The following RNF121 variants were observed in gnomAD, a reference collection of about 807,000 sequenced individuals.
RNF121 encodes the protein ring finger protein 121.
A neutral mutation model predicts 46.5 loss-of-function variants in RNF121; 21 were observed. That is an observed-to-expected ratio of 0.45 (90% CI 0.32 to 0.65). RNF121 has a LOEUF of 0.65. Ranked by LOEUF, RNF121 falls within the 30% of genes least tolerant of loss-of-function variation. The pLI is 0.04. For synonymous variants in RNF121, 139 were observed against 144.7 expected (o/e 0.96, Z 0.28); for missense variants, 346 against 416.0 (o/e 0.83, Z 1.46).
Position 71,996,582 on chromosome 11 carries a change from C to A in RNF121, c.*267C>A, listed in dbSNP as rs1954983400. On this transcript the variant is annotated 3_prime_UTR_variant, in exon 9 of 9. Coordinates refer to ENST00000361756, the MANE Select transcript of RNF121 (RefSeq NM_018320.5). Reference sequence around the variant, plus strand: ...TTATTGTGGAGCATAGGAATTGCCCCCCTCCAGGCTTCACCCTCCCTGCCT... The same window carrying A: ...TTATTGTGGAGCATAGGAATTGCCCACCTCCAGGCTTCACCCTCCCTGCCT... The A allele has an allele frequency of 1.3e-5, 4 of 310,058 alleles. No individual in the cohort carries two copies. The highest frequency in any genetic ancestry group is 2.4e-5 in the Non-Finnish European group (4 of 164,810). 19.2% of individuals were successfully genotyped at this position (310,058 alleles called of 1,614,324 possible).
At chr11:71,988,361 G>C (rs1336454685) in intron 5 of RNF121, among the ~76,000 whole-genome samples, 1 of 152,218 alleles carries the variant, frequency 6.6e-6, no homozygotes, top group Non-Finnish European at 1.5e-5. Flanking sequence ...TGTGGATCAA[G>C]AGGAGCCCTA....
chr11:71,990,772 G>A (rs1954850526), intron 6 of RNF121, 55 bp downstream of exon 6: 4 of 1,600,160 alleles, frequency 2.5e-6, no homozygotes, highest in Non-Finnish European at 1.7e-6. Context: ...AATTGCTCAA[G>A]TTGATGTCAC....
In RNF121 at chr11:71,987,270, G is replaced by T. The variant is rs140450388; in HGVS notation, c.506+159G>T. ...GGATGGGAGAAGACAGGCTCTCCATGATTTGTTCTGGCAGAAAGCAAGGAA... is the reference window on the plus strand; with the variant it reads ...GGATGGGAGAAGACAGGCTCTCCATTATTTGTTCTGGCAGAAAGCAAGGAA... On this transcript the variant is annotated intron_variant, in intron 5 of 8. Coordinates refer to ENST00000361756, the MANE Select transcript of RNF121 (RefSeq NM_018320.5). 1.5e-4 allele frequency among the ~76,000 whole-genome samples: 23 copies of T among 152,294 alleles called. No homozygotes were observed. In the East Asian group the frequency reaches 4.4e-3, roughly 29 times the overall value.
intron 1 of RNF121, among the ~76,000 whole-genome samples, chr11:71,934,118 T>C (rs76609923): frequency 0.038 from 4,886 of 128,086 alleles, 69 homozygotes; most frequent in East Asian, 0.09. Context: ...GCTTGGCTTC[T>C]TGGACTATTC....
At chr11:71,950,371 G>C (rs1953843632) in intron 1 of RNF121, among the ~76,000 whole-genome samples, 1 of 152,076 alleles carries the variant, frequency 6.6e-6, no homozygotes, top group Non-Finnish European at 1.5e-5. Context: ...GATCACTTAT[G>C]TCAGGAGTTT....
chr11:71,934,388 A>G (rs1028451349), intron 1 of RNF121, among the ~76,000 whole-genome samples: 1 of 152,248 alleles, frequency 6.6e-6, no homozygotes, highest in Non-Finnish European at 1.5e-5. Context: ...CAGTGGGCAC[A>G]TCAAGGAGGA....
At chr11:71,978,823 C>G (rs1456341315) in intron 3 of RNF121, among the ~76,000 whole-genome samples, 1 of 152,204 alleles carries the variant, frequency 6.6e-6, no homozygotes, top group Non-Finnish European at 1.5e-5. Context: ...GTTTAGAGAA[C>G]TGAAGCTTTT....
intron 3 of RNF121, among the ~76,000 whole-genome samples, chr11:71,961,601 G>A (rs1451065933): frequency 6.6e-6 from 1 of 152,214 alleles, no homozygotes; most frequent in Middle Eastern, 3.4e-3. Context: ...GTTGAAATTA[G>A]GTGGGGAAAA....
intron 1 of RNF121, among the ~76,000 whole-genome samples, chr11:71,930,207 T>C (rs1953241601): frequency 6.6e-6 from 1 of 152,142 alleles, no homozygotes. Flanking sequence ...TGCCAGCATA[T>C]GGGCAAAGAC....
Position 71,974,640 on chromosome 11 carries a change from G to A in RNF121, c.244-8121G>A, listed in dbSNP as rs192697878. Among the ~76,000 whole-genome samples, 419 of 134,448 alleles carry A rather than the reference G, an allele frequency of 3.1e-3. 2 individuals are homozygous for A. Among genetic ancestry groups the A allele is most frequent in the South Asian group, 0.016 (62 of 3,784 alleles). The allele number at this position is 134,448 out of a possible 152,430, so 88.2% of individuals were successfully genotyped here. ...TTCTTTCTGTAGGTTCCTCTCAAAG[G>A]CTTCAGGAAATTTTTGTCAATTTCT... On this transcript the variant is annotated intron_variant, in intron 3 of 8. Transcript: ENST00000361756.
chr11:71,994,990 C>T (rs979992766), intron 7 of RNF121, 138 bp downstream of exon 7: 4 of 1,173,806 alleles, frequency 3.4e-6, no homozygotes, highest in Non-Finnish European at 4.9e-6. Context: ...GGGCCACCTT[C>T]CCTACCCTTT....
In RNF121 at chr11:71,982,873, C is replaced by G; in HGVS notation, c.356C>G (p.Thr119Ser). ...TTCTCTGCTGTCACAGCCTTTGTTA[C>G]CTTCCGAGCCACCCGAAAACCTCTA... is the stretch of plus-strand genomic sequence containing the variant. ...ILFSAVTAFVTFRATRKPLVQ... is the reference protein window; with the variant it reads ...ILFSAVTAFVSFRATRKPLVQ... Residue 119 changes from threonine to serine, a missense_variant, in exon 4 of 9, where the codon ACC (threonine) becomes AGC (serine). Thr to Ser is a moderately conservative substitution (Grantham distance 58). This residue lies in a region of RNF121 where 286 missense variants were observed against 383.8 expected (regional missense o/e 0.75). Transcript: ENST00000361756. The G allele has an allele frequency of 6.2e-7, 1 of 1,613,628 alleles. No homozygotes were observed. The highest frequency in any genetic ancestry group is 1.1e-5 in the South Asian group (1 of 90,974).
intron 1 of RNF121, among the ~76,000 whole-genome samples, chr11:71,956,438 C>T (rs968883077): frequency 2.6e-5 from 4 of 152,162 alleles, no homozygotes; most frequent in African/African-American, 9.7e-5. Flanking sequence ...TACAGGACAC[C>T]TTCCTCAACA....
rs1172078727 is a variant in RNF121 at position 71,997,278 on chromosome 11, A to G, written c.*963A>G. On this transcript the variant is annotated 3_prime_UTR_variant, in exon 9 of 9. Transcript: ENST00000361756. ...TGTCAGCTTCTCCCTGTGTCAGATGATATGTCCTTGAAGCTGGCAGGGGAT... is the reference window on the plus strand; with the variant it reads ...TGTCAGCTTCTCCCTGTGTCAGATGGTATGTCCTTGAAGCTGGCAGGGGAT... 6.6e-6 allele frequency: 1 copy of G among 152,122 alleles called. No homozygotes were observed. Among genetic ancestry groups the G allele is most frequent in the Admixed American group, 6.5e-5 (1 of 15,276 alleles). 9.4% of individuals were successfully genotyped at this position (152,122 alleles called of 1,614,324 possible). A position where few individuals can be genotyped will look rare whatever the true frequency, so the allele number is the denominator to read the frequency against.
chr11:71,974,034 C>T (rs990188734), intron 3 of RNF121, among the ~76,000 whole-genome samples: 1 of 152,038 alleles, frequency 6.6e-6, no homozygotes, highest in Non-Finnish European at 1.5e-5. Flanking sequence ...CTCCGCCTCC[C>T]GGGTTCACGC....
intron 3 of RNF121, among the ~76,000 whole-genome samples, chr11:71,967,339 G>GT (rs1251537488): frequency 0.01 from 701 of 67,794 alleles, 10 homozygotes; most frequent in Middle Eastern, 0.02. Flanking sequence ...TAATTATGTG[G>GT]GTTTTTTTTG....
chr11:71,960,956 A>G, intron 3 of RNF121, 65 bp downstream of exon 3: 1 of 1,573,146 alleles, frequency 6.4e-7, no homozygotes, highest in Non-Finnish European at 8.6e-7. Context: ...TAAGTATTCT[A>G]GGTCCCAGCC....
At chr11:71,982,698 G>C in intron 3 of RNF121, 63 bp from the exon 4 acceptor site, 1 of 1,496,148 alleles carries the variant, frequency 6.7e-7, no homozygotes, top group Non-Finnish European at 8.9e-7. Flanking sequence ...GCTGCATTTG[G>C]GACTGTGGAC....
At chr11:71,985,205 G>T (rs967411331) in intron 4 of RNF121, among the ~76,000 whole-genome samples, 4 of 152,106 alleles carry the variant, frequency 2.6e-5, no homozygotes, top group Non-Finnish European at 5.9e-5. Flanking sequence ...GGGATTCCAG[G>T]TGTGAGCCAT....
Sources: allele counts gnomAD v4.1 joint callset (sites outside exome capture counted in the v4.1 genomes callset), GRCh38; gene constraint gnomAD v4.1.1; regional missense constraint gnomAD v4.1.1; transcripts MANE v1.5; gene names NCBI Gene and HGNC (gene_info 2026-07-23, HGNC 2026-07-21).